Variants in AGBL4 observed in about 807,000 individuals in gnomAD.
AGBL4 encodes AGBL carboxypeptidase 4, also known as cytosolic carboxypeptidase 6.
A neutral mutation model predicts 66.4 loss-of-function variants in AGBL4; 58 were observed. The observed-to-expected ratio is 0.87, with a 90% confidence interval of 0.71 to 1.09. The LOEUF (loss-of-function observed/expected upper bound fraction) is 1.09, where lower values mean the gene tolerates loss of function less well. Ranked by LOEUF, AGBL4 falls within the 50% of genes least tolerant of loss-of-function variation. The pLI is 0.00. For missense variants in AGBL4, 579 were observed against 631.0 expected (o/e 0.92, Z 0.88); for synonymous variants, 234 against 222.9 (o/e 1.05, Z -0.44).
chr1:49,060,389 T>C (rs1644381687), intron 4 of AGBL4, among the ~76,000 whole-genome samples: 1 of 152,198 alleles, frequency 6.6e-6, no homozygotes, highest in Non-Finnish European at 1.5e-5. Flanking sequence ...CAATTAAACC[T>C]CTGTCCTTTA....
chr1:49,127,848 A>G (rs1462600638), intron 4 of AGBL4, among the ~76,000 whole-genome samples: 2 of 152,160 alleles, frequency 1.3e-5, no homozygotes, highest in Non-Finnish European at 2.9e-5. Context: ...ACTTATTACA[A>G]GTAACTCAAC....
At chr1:48,537,624 G>A (rs1569667711) in intron 12 of AGBL4, among the ~76,000 whole-genome samples, 2 of 152,158 alleles carry the variant, frequency 1.3e-5, no homozygotes, top group East Asian at 3.8e-4. Context: ...CGTGAAGAGA[G>A]TCTAGAGGAT....
chr1:49,119,625 G>T (rs1273264930), intron 4 of AGBL4, among the ~76,000 whole-genome samples: 1 of 152,140 alleles, frequency 6.6e-6, no homozygotes, highest in Non-Finnish European at 1.5e-5. Context: ...CAACTATGTG[G>T]TCAATTTTCG....
intron 2 of AGBL4, among the ~76,000 whole-genome samples, chr1:49,702,727 C>T (rs1169693614): frequency 6.6e-6 from 1 of 152,016 alleles, no homozygotes; most frequent in Non-Finnish European, 1.5e-5. Context: ...AATCTAGCAA[C>T]ATAAAAAATG....
intron 1 of AGBL4, among the ~76,000 whole-genome samples, chr1:49,940,450 C>A (rs935027560): frequency 4.6e-5 from 7 of 152,088 alleles, no homozygotes; most frequent in East Asian, 1.9e-4. Context: ...TGGAACCAAC[C>A]CAAATGTCCA....
chr1:49,057,708 T>C (rs1435569636), intron 4 of AGBL4, among the ~76,000 whole-genome samples: 1 of 152,150 alleles, frequency 6.6e-6, no homozygotes, highest in African/African-American at 2.4e-5. Flanking sequence ...CCTCAAAGCA[T>C]TATCTCAATT....
intron 3 of AGBL4, among the ~76,000 whole-genome samples, chr1:49,480,940 T>C (rs1646943606): frequency 6.6e-6 from 1 of 152,088 alleles, no homozygotes; most frequent in African/African-American, 2.4e-5. Context: ...ACAGATCAGA[T>C]ACTTGTAGGT....
At chr1:49,317,823 A>G (rs895386264) in intron 3 of AGBL4, among the ~76,000 whole-genome samples, 1 of 152,072 alleles carries the variant, frequency 6.6e-6, no homozygotes, top group Non-Finnish European at 1.5e-5. Context: ...TAAAGATGTC[A>G]GCTTCAACTA....
At chr1:49,529,302 A>T (rs1395331883) in intron 3 of AGBL4, among the ~76,000 whole-genome samples, 1 of 152,158 alleles carries the variant, frequency 6.6e-6, no homozygotes, top group Admixed American at 6.5e-5. Context: ...ATTTGAAAAG[A>T]CTATTTTATT....
At chr1:49,819,413 T>G (rs1645310908) in intron 2 of AGBL4, among the ~76,000 whole-genome samples, 1 of 152,330 alleles carries the variant, frequency 6.6e-6, no homozygotes, top group South Asian at 2.1e-4. Context: ...CTATTAATTG[T>G]GTGAAACAGA....
chr1:49,283,993 C>T (rs1173110781), intron 3 of AGBL4, among the ~76,000 whole-genome samples: 4 of 148,702 alleles, frequency 2.7e-5, no homozygotes, highest in African/African-American at 4.9e-5. Context: ...GGCAGGCCAA[C>T]GTTCAGATTC....
intron 3 of AGBL4, among the ~76,000 whole-genome samples, chr1:49,640,339 A>G (rs1262985212): frequency 6.6e-6 from 1 of 152,172 alleles, no homozygotes; most frequent in Non-Finnish European, 1.5e-5. Flanking sequence ...AGACAGCACC[A>G]ACTGTAATTT....
At position 49,792,249 on chromosome 1, in the gene AGBL4, A is replaced by C. The variant is rs373460610; in HGVS notation, c.157+59147T>G. Among the ~76,000 whole-genome samples the C allele has an allele frequency of 8.5e-5, 13 of 152,124 alleles. 1 individual carries two copies. The highest frequency in any genetic ancestry group is 7.7e-4 in the East Asian group (4 of 5,182). ...CTTATAGATTTATTAGAATTTTAAAACTTCTCATTTTATATTTATTATAAA... is the reference window on the plus strand; with the variant it reads ...CTTATAGATTTATTAGAATTTTAAACCTTCTCATTTTATATTTATTATAAA... On this transcript the variant is annotated intron_variant, in intron 2 of 13. Coordinates refer to ENST00000371839, the MANE Select transcript of AGBL4 (RefSeq NM_032785.4).
At chr1:49,734,146 T>A (rs1649676570) in intron 2 of AGBL4, among the ~76,000 whole-genome samples, 1 of 152,082 alleles carries the variant, frequency 6.6e-6, no homozygotes, top group Non-Finnish European at 1.5e-5. Flanking sequence ...TCAAACTGTA[T>A]ATGTGGGCTA....
intron 9 of AGBL4, among the ~76,000 whole-genome samples, chr1:48,595,114 CA>C (rs1448786499): frequency 1.3e-5 from 2 of 152,096 alleles, no homozygotes; most frequent in Non-Finnish European, 2.9e-5. Flanking sequence ...AATCTCAATT[CA>C]AAAAGCCTTA....
chr1:49,530,259 T>TAAAAAAAAAAAAAAAAGA (rs543885264), intron 3 of AGBL4, among the ~76,000 whole-genome samples: 1 of 75,984 alleles, frequency 1.3e-5, no homozygotes, highest in African/African-American at 6.1e-5. Flanking sequence ...GTAGAATTTG[T>TAAAAAAAAAAAAAAAAGA]AAAAAAAAAA....
intron 3 of AGBL4, among the ~76,000 whole-genome samples, chr1:49,492,165 T>C (rs1380312425): frequency 6.6e-6 from 1 of 151,880 alleles, no homozygotes; most frequent in Non-Finnish European, 1.5e-5. Flanking sequence ...TAGGCTATTA[T>C]TGACCTTCTG....
intron 6 of AGBL4, among the ~76,000 whole-genome samples, chr1:48,849,160 G>C (rs1039634146): frequency 6.6e-6 from 1 of 152,218 alleles, no homozygotes; most frequent in Non-Finnish European, 1.5e-5. Context: ...TCCTTTGCAA[G>C]ACTTAGGTTG....
At chr1:49,719,703 T>C (rs999706964) in intron 2 of AGBL4, among the ~76,000 whole-genome samples, 1 of 152,134 alleles carries the variant, frequency 6.6e-6, no homozygotes, top group Non-Finnish European at 1.5e-5. Context: ...CCCACCCAAA[T>C]CTTATCTTGA....
Sources: gnomAD v4.1 joint callset for allele counts (sites outside exome capture counted in the v4.1 genomes callset) on GRCh38, gnomAD v4.1.1 for gene constraint, MANE v1.5 for transcripts, NCBI Gene and HGNC (gene_info 2026-07-23, HGNC 2026-07-21) for gene names.